Variants in GAB1 observed in about 807,000 individuals in gnomAD.
The protein encoded by GAB1 is GRB2-associated-binding protein 1.
GAB1 carries 19 observed loss-of-function variants against 66.5 expected under a neutral mutation model. The observed-to-expected ratio is 0.29, with a 90% CI of 0.20 to 0.42. The LOEUF (loss-of-function observed/expected upper bound fraction) is 0.42. Ranked by LOEUF, GAB1 falls within the 10% of genes least tolerant of loss-of-function variation. The pLI, the probability that GAB1 is intolerant of heterozygous loss-of-function variation, is 1.00. For synonymous variants in GAB1, 294 were observed against 301.4 expected (o/e 0.98, Z 0.25); for missense variants, 732 against 858.5 (o/e 0.85, Z 1.84).
intron 2 of GAB1, among the ~76,000 whole-genome samples, chr4:143,433,098 C>G (rs1733761278): frequency 6.6e-6 from 1 of 152,174 alleles, no homozygotes; most frequent in African/African-American, 2.4e-5. Context: ...CTGGTAAATA[C>G]TATGTAATTA....
At chr4:143,451,827 G>A (rs988563783) in intron 6 of GAB1, among the ~76,000 whole-genome samples, 3 of 151,602 alleles carry the variant, frequency 2.0e-5, no homozygotes, top group East Asian at 1.9e-4. Flanking sequence ...GAGTATAAGC[G>A]GAACTCATAC....
At chr4:143,367,522 C>A (rs55683567) in intron 1 of GAB1, among the ~76,000 whole-genome samples, 3,149 of 150,542 alleles carry the variant, frequency 0.021, 104 homozygotes, top group African/African-American at 0.073. Flanking sequence ...ATTGGACATG[C>A]CATATTTGGA....
chr4:143,374,546 T>C (rs1328560794), intron 1 of GAB1, among the ~76,000 whole-genome samples: 1 of 152,214 alleles, frequency 6.6e-6, no homozygotes, highest in African/African-American at 2.4e-5. Flanking sequence ...TTATACTGAG[T>C]GTCAAATTTC....
chr4:143,397,701 T>C (rs1017020140), intron 1 of GAB1, among the ~76,000 whole-genome samples: 1 of 152,198 alleles, frequency 6.6e-6, no homozygotes, highest in Admixed American at 6.5e-5. Flanking sequence ...GGGCTAAAAA[T>C]CAACCCAAGC....
intron 1 of GAB1, among the ~76,000 whole-genome samples, chr4:143,351,959 G>A (rs1182834817): frequency 6.6e-6 from 1 of 152,122 alleles, no homozygotes; most frequent in Admixed American, 6.5e-5. Context: ...TCATAGCACC[G>A]GAAGCAAACA....
chr4:143,404,544 T>C (rs561142482), intron 1 of GAB1, among the ~76,000 whole-genome samples: 2 of 152,208 alleles, frequency 1.3e-5, no homozygotes, highest in Non-Finnish European at 2.9e-5. Flanking sequence ...CCTTTAAAAC[T>C]GCACTGTCCA....
intron 3 of GAB1, 131 bp from the exon 4 acceptor site, chr4:143,437,868 A>G: frequency 1.1e-6 from 1 of 891,446 alleles, no homozygotes; most frequent in Non-Finnish European, 1.7e-6. Context: ...TGTGCTTTAA[A>G]TCCTATGGAT....
At chr4:143,369,614 A>G (rs1730033184) in intron 1 of GAB1, among the ~76,000 whole-genome samples, 1 of 152,210 alleles carries the variant, frequency 6.6e-6, no homozygotes, top group Non-Finnish European at 1.5e-5. Flanking sequence ...GGAACACAAT[A>G]TATATATGAT....
chr4:143,458,433 G>T (rs773572961), intron 6 of GAB1, among the ~76,000 whole-genome samples: 6 of 151,948 alleles, frequency 3.9e-5, no homozygotes, highest in Non-Finnish European at 5.9e-5. Context: ...CATGGACAAA[G>T]ACTATAAATA....
At chr4:143,415,875 T>C in intron 2 of GAB1, 104 bp downstream of exon 2, 1 of 894,364 alleles carries the variant, frequency 1.1e-6, no homozygotes, top group Non-Finnish European at 1.6e-6. Context: ...TATAATGTTT[T>C]ATTTTTATAA....
At chr4:143,451,985 C>T (rs1734953501) in intron 6 of GAB1, among the ~76,000 whole-genome samples, 2 of 152,048 alleles carry the variant, frequency 1.3e-5, no homozygotes, top group African/African-American at 4.8e-5. Context: ...AAAGAGCACC[C>T]CGCTCTTTGC....
At chr4:143,444,300 G>C (rs903765223) in intron 6 of GAB1, among the ~76,000 whole-genome samples, 5 of 152,092 alleles carry the variant, frequency 3.3e-5, no homozygotes, top group African/African-American at 1.2e-4. Flanking sequence ...TCTTTATGTT[G>C]TTATGTTTGG....
intron 6 of GAB1, among the ~76,000 whole-genome samples, chr4:143,445,214 T>A (rs1734444311): frequency 6.6e-6 from 1 of 152,186 alleles, no homozygotes; most frequent in African/African-American, 2.4e-5. Context: ...CCACCAGCAG[T>A]ATATAAGCAT....
chr4:143,337,013 G>A lies in GAB1; in HGVS notation c.-176G>A. The A allele has an allele frequency of 1.7e-6, 1 of 600,698 alleles. No homozygotes were observed. The highest frequency in any genetic ancestry group is 3.1e-5 in the Admixed American group (1 of 32,176). 37.2% of individuals were successfully genotyped at this position (600,698 alleles called of 1,614,324 possible). A position where few individuals can be genotyped will look rare whatever the true frequency, so the allele number is the denominator to read the frequency against. On this transcript the variant is annotated 5_prime_UTR_variant, in exon 1 of 10. Transcript: ENST00000262994. ...TGTTCAGGTTCGTGGGCCTGCAGAG[G>A]AGAGACTCGAACTCGTGGAACCCGC...
chr4:143,346,893 G>GA (rs1221003191), intron 1 of GAB1, among the ~76,000 whole-genome samples: 3 of 152,174 alleles, frequency 2.0e-5, no homozygotes, highest in African/African-American at 7.2e-5. Context: ...TACCTCCAAA[G>GA]AAAAAGGCAC....
At chr4:143,370,343 G>T (rs1476600284) in intron 1 of GAB1, among the ~76,000 whole-genome samples, 1 of 152,102 alleles carries the variant, frequency 6.6e-6, no homozygotes, top group Non-Finnish European at 1.5e-5. Flanking sequence ...TCTGTTCCCT[G>T]ACCCTGGGCT....
intron 1 of GAB1, among the ~76,000 whole-genome samples, chr4:143,393,479 C>T (rs1457666704): frequency 2.0e-5 from 3 of 152,236 alleles, no homozygotes; most frequent in South Asian, 2.1e-4. Flanking sequence ...CTCGTTTTCT[C>T]ATCTATAAAT....
intron 1 of GAB1, among the ~76,000 whole-genome samples, chr4:143,364,946 C>T (rs1581230778): frequency 1.4e-5 from 2 of 139,282 alleles, no homozygotes; most frequent in Middle Eastern, 4.3e-3. Flanking sequence ...GGCGCTATCT[C>T]GGGTCACTGC....
At chr4:143,437,557 A>G (rs993307022) in intron 3 of GAB1, among the ~76,000 whole-genome samples, 5 of 152,224 alleles carry the variant, frequency 3.3e-5, no homozygotes, top group Non-Finnish European at 5.9e-5. Context: ...CGGAACAACA[A>G]ATTTGCCGTG....
Sources: allele counts gnomAD v4.1 joint callset (sites outside exome capture counted in the v4.1 genomes callset), GRCh38; gene constraint gnomAD v4.1.1; transcripts MANE v1.5; gene names NCBI Gene and HGNC (gene_info 2026-07-23, HGNC 2026-07-21).